The following FRMD4A variants were observed in gnomAD, a reference collection of about 807,000 sequenced individuals.
FRMD4A encodes the protein FERM domain-containing protein 4A.
Under a neutral mutation model 129.1 loss-of-function variants are expected in FRMD4A, and 29 were observed. The observed-to-expected ratio is 0.22, with a 90% CI of 0.17 to 0.31. FRMD4A has a LOEUF of 0.31. FRMD4A is among the 10% of genes least tolerant of loss of function. The pLI, the probability that FRMD4A is intolerant of heterozygous loss-of-function variation, is 1.00. For missense variants in FRMD4A, 1,272 were observed against 1,375.8 expected (o/e 0.92, Z 1.19); for synonymous variants, 634 against 571.6 (o/e 1.11, Z -1.56).
chr10:13,955,152 G>A (rs943630536), intron 2 of FRMD4A, among the ~76,000 whole-genome samples: 1 of 113,096 alleles, frequency 8.8e-6, no homozygotes, highest in East Asian at 2.9e-4. Flanking sequence ...CTGTCACCCA[G>A]GCTGGAGTGC....
intron 2 of FRMD4A, among the ~76,000 whole-genome samples, chr10:14,106,764 A>G (rs1307571050): frequency 6.6e-6 from 1 of 152,224 alleles, no homozygotes; most frequent in African/African-American, 2.4e-5. Flanking sequence ...ATGTATAATG[A>G]AATCGCTATG....
chr10:14,232,469 T>A (rs7924159), intron 2 of FRMD4A, among the ~76,000 whole-genome samples: 10,972 of 152,306 alleles, frequency 0.072, 430 homozygotes, highest in Middle Eastern at 0.11. Context: ...CTGTGAAGAA[T>A]GTCATTTATA....
At chr10:13,938,931 G>T (rs903759129) in intron 2 of FRMD4A, among the ~76,000 whole-genome samples, 1 of 152,184 alleles carries the variant, frequency 6.6e-6, no homozygotes, top group African/African-American at 2.4e-5. Flanking sequence ...AGATATGTTT[G>T]ATTGTCACAA....
chr10:14,230,524 G>A (rs1246372263), intron 2 of FRMD4A, among the ~76,000 whole-genome samples: 1 of 152,220 alleles, frequency 6.6e-6, no homozygotes, highest in Admixed American at 6.5e-5. Context: ...TATCATTATT[G>A]TCATTTGTTT....
At chr10:14,111,931 G>C (rs1229849908) in intron 2 of FRMD4A, among the ~76,000 whole-genome samples, 1 of 137,474 alleles carries the variant, frequency 7.3e-6, no homozygotes, top group African/African-American at 2.7e-5. Context: ...ATGGAAGGAA[G>C]GAAGGAAGGA....
chr10:13,957,151 G>A (rs1193698002), intron 2 of FRMD4A, among the ~76,000 whole-genome samples: 21 of 152,254 alleles, frequency 1.4e-4, no homozygotes, highest in Non-Finnish European at 1.8e-4. Flanking sequence ...AGAGCTATGT[G>A]TGGAAAGGCA....
Position 14,330,688 on chromosome 10 carries a change from A to C in FRMD4A, c.-173T>G, listed in dbSNP as rs1843485189. 2.5e-6 allele frequency: 1 copy of C among 398,570 alleles called. No individual in the cohort carries two copies. The highest frequency in any genetic ancestry group is 4.4e-6 in the Non-Finnish European group (1 of 226,262). The allele number at this position is 398,570 out of a possible 1,614,324, so 24.7% of individuals were successfully genotyped here. ...TCTGGGAGTGAGACAGCCGAGTCTG[A>C]CCATGAGGCACCAGGCAGTCACTGG... On this transcript the variant is annotated 5_prime_UTR_variant, in exon 1 of 25. Transcript: ENST00000357447.
intron 2 of FRMD4A, among the ~76,000 whole-genome samples, chr10:14,266,171 G>A (rs1309319555): frequency 6.6e-6 from 1 of 151,686 alleles, no homozygotes; most frequent in Non-Finnish European, 1.5e-5. Context: ...GGTGGGAGGG[G>A]GTGGGGCTTT....
chr10:14,118,357 G>A (rs760633420), intron 2 of FRMD4A, among the ~76,000 whole-genome samples: 10 of 152,180 alleles, frequency 6.6e-5, no homozygotes, highest in Non-Finnish European at 1.0e-4. Context: ...CCCAGACTCT[G>A]TAAATTTCTG....
At chr10:14,155,362 A>G (rs1840543944) in intron 2 of FRMD4A, among the ~76,000 whole-genome samples, 1 of 152,192 alleles carries the variant, frequency 6.6e-6, no homozygotes, top group South Asian at 2.1e-4. Flanking sequence ...AGGCCCTCTG[A>G]GAGACAGTAC....
chr10:14,034,242 C>T (rs954990085), intron 2 of FRMD4A, among the ~76,000 whole-genome samples: 10 of 152,110 alleles, frequency 6.6e-5, no homozygotes, highest in African/African-American at 2.4e-4. Flanking sequence ...CTTGCCTGCT[C>T]CCTAGGCTGT....
At position 13,925,566 on chromosome 10, in the gene FRMD4A, CTTT is replaced by C. The variant is rs66980805; in HGVS notation, c.46-66657_46-66655del. Among the ~76,000 whole-genome samples the C allele has an allele frequency of 7.4e-4, 46 of 61,936 alleles. 3 individuals carry two copies. The highest frequency in any genetic ancestry group is 3.6e-3 in the South Asian group (4 of 1,100). 40.6% of individuals were successfully genotyped at this position (61,936 alleles called of 152,430 possible). On this transcript the variant is annotated intron_variant, in intron 2 of 24. Coordinates refer to ENST00000357447, the MANE Select transcript of FRMD4A (RefSeq NM_018027.5). The stretch of plus-strand genomic sequence containing the variant: ...TGAAAGTTTCTATTGTAGTGAAACG[CTTT>C]TTTTTTTTTTTTTTTTTTTTTTTTT...
In FRMD4A at chr10:13,812,614, C is replaced by T. The variant is rs918228055; in HGVS notation, c.112-1706G>A. Among the ~76,000 whole-genome samples, 7 of 152,322 alleles carry T rather than the reference C, an allele frequency of 4.6e-5. No homozygotes were observed. The South Asian group carries it at 6.2e-4, about 14-fold the overall frequency. On this transcript the variant is annotated intron_variant, in intron 3 of 24. Coordinates refer to ENST00000357447, the MANE Select transcript of FRMD4A (RefSeq NM_018027.5). ...AACAGGGACACGGAGTAAGAGCTAG[C>T]GCTGAGTTTAAAAAGCCAAAGAAGA...
intron 6 of FRMD4A, among the ~76,000 whole-genome samples, chr10:13,766,831 T>C (rs890276626): frequency 6.6e-6 from 1 of 152,146 alleles, no homozygotes; most frequent in African/African-American, 2.4e-5. Context: ...TCCCAGCACT[T>C]TGGGAGACCG....
chr10:14,112,389 G>A (rs1011069378), intron 2 of FRMD4A, among the ~76,000 whole-genome samples: 4 of 152,140 alleles, frequency 2.6e-5, no homozygotes, highest in Admixed American at 6.5e-5. Context: ...AGCAGTTTGC[G>A]GCGGTCTCGA....
At chr10:14,290,987 A>G (rs1044782499) in intron 2 of FRMD4A, among the ~76,000 whole-genome samples, 4 of 152,242 alleles carry the variant, frequency 2.6e-5, no homozygotes, top group African/African-American at 9.6e-5. Flanking sequence ...TGTGGGAGTT[A>G]TCCACAGCAA....
At chr10:14,309,864 C>G (rs1846481046) in intron 2 of FRMD4A, among the ~76,000 whole-genome samples, 1 of 152,220 alleles carries the variant, frequency 6.6e-6, no homozygotes, top group Non-Finnish European at 1.5e-5. Context: ...ATTTCAAAAC[C>G]TATTCTTCAG....
intron 2 of FRMD4A, among the ~76,000 whole-genome samples, chr10:14,179,605 T>C (rs1033298044): frequency 1.3e-5 from 2 of 152,208 alleles, no homozygotes; most frequent in Admixed American, 6.5e-5. Context: ...CAATAAAAAT[T>C]GTGATTTAAT....
intron 2 of FRMD4A, among the ~76,000 whole-genome samples, chr10:14,113,987 G>A (rs1008430190): frequency 2.0e-5 from 3 of 152,126 alleles, no homozygotes; most frequent in African/African-American, 7.2e-5. Context: ...ACTGTGAGTC[G>A]GCCAGACTCC....
Sources: allele counts gnomAD v4.1 joint callset (sites outside exome capture counted in the v4.1 genomes callset), GRCh38; gene constraint gnomAD v4.1.1; transcripts MANE v1.5; gene names NCBI Gene and HGNC (gene_info 2026-07-23, HGNC 2026-07-21).